The following STAU2 variants were observed in gnomAD, a reference collection of about 807,000 sequenced individuals.
STAU2 encodes staufen double-stranded RNA binding protein 2.
A neutral mutation model predicts 65.9 loss-of-function variants in STAU2; 20 were observed. That is an observed-to-expected ratio of 0.30 (90% CI 0.21 to 0.44). The LOEUF (loss-of-function observed/expected upper bound fraction) is 0.44, where lower values mean the gene tolerates loss of function less well. STAU2 is among the 20% of genes least tolerant of loss of function. The pLI is 1.00. For synonymous variants in STAU2, 232 were observed against 233.9 expected, an observed-to-expected ratio of 0.99 and a Z score of 0.07; for missense variants, 558 against 683.9, an observed-to-expected ratio of 0.82 and a Z score of 2.05.
chr8:73,463,344 A>G (rs1389515053), intron 13 of STAU2, among the ~76,000 whole-genome samples: 1 of 152,200 alleles, frequency 6.6e-6, no homozygotes, highest in Admixed American at 6.5e-5. Flanking sequence ...TTTTATAACA[A>G]TGTTGTCCAG....
At chr8:73,559,371 C>G (rs113411780) in intron 12 of STAU2, among the ~76,000 whole-genome samples, 10 of 152,334 alleles carry the variant, frequency 6.6e-5, no homozygotes, top group African/African-American at 2.4e-4. Context: ...GTGGCAGCAC[C>G]ATTCCTAGAT....
chr8:73,455,932 GCTGAGGTTTAATGT>G (rs1337052579), intron 13 of STAU2, among the ~76,000 whole-genome samples: 4 of 152,294 alleles, frequency 2.6e-5, no homozygotes, highest in African/African-American at 4.8e-5. Context: ...TGGATGAGAA[GCTGAGGTTTAATGT>G]CTGAGTGTGT....
At chr8:73,741,866 T>C (rs2130790223) in intron 1 of STAU2, among the ~76,000 whole-genome samples, 1 of 152,304 alleles carries the variant, frequency 6.6e-6, no homozygotes. Context: ...TAACAAAAAA[T>C]AAAACTTTAT....
intron 4 of STAU2, among the ~76,000 whole-genome samples, chr8:73,695,012 T>C (rs1291021287): frequency 1.3e-5 from 2 of 152,116 alleles, no homozygotes; most frequent in African/African-American, 4.8e-5. Context: ...GGGTCCTAGA[T>C]AAATCTGAAA....
intron 5 of STAU2, among the ~76,000 whole-genome samples, chr8:73,682,977 C>T (rs1818538749): frequency 6.6e-6 from 1 of 151,886 alleles, no homozygotes; most frequent in African/African-American, 2.4e-5. Context: ...AAACTGACAA[C>T]AACAATAAAA....
In STAU2 at chr8:73,588,649, A is replaced by G. The variant is rs558742300; in HGVS notation, c.1162-5819T>C. 3.0e-4 allele frequency among the ~76,000 whole-genome samples: 45 copies of G among 152,368 alleles called. No homozygotes were observed. The South Asian group carries it at 8.9e-3, about 30-fold the overall frequency. On this transcript the variant is annotated intron_variant, in intron 11 of 14. Transcript: ENST00000524300. ...AAAGGCAGGAAATTCTCTGGTCCTA[A>G]GAGCTCAGTAAAGCTTCATTGCTTC...
At chr8:73,626,547 A>G (rs558721363) in intron 6 of STAU2, among the ~76,000 whole-genome samples, 1 of 152,348 alleles carries the variant, frequency 6.6e-6, no homozygotes, top group South Asian at 2.1e-4. Context: ...GTGACAAGCC[A>G]TTCCATAGTG....
intron 4 of STAU2, among the ~76,000 whole-genome samples, chr8:73,691,599 A>T (rs1819323599): frequency 6.6e-6 from 1 of 152,020 alleles, no homozygotes; most frequent in South Asian, 2.1e-4. Flanking sequence ...TAAGATATAT[A>T]CATGCACCAA....
intron 13 of STAU2, among the ~76,000 whole-genome samples, chr8:73,463,261 G>A (rs1447226087): frequency 1.3e-5 from 2 of 152,264 alleles, no homozygotes; most frequent in Non-Finnish European, 2.9e-5. Flanking sequence ...ACATGCATGT[G>A]CTGGACTTTT....
chr8:73,487,999 T>C (rs903584931), intron 13 of STAU2, among the ~76,000 whole-genome samples: 41 of 152,146 alleles, frequency 2.7e-4, no homozygotes, highest in Admixed American at 9.2e-4. Context: ...AAAAAAACAT[T>C]TTGTGTGGCT....
intron 3 of STAU2, among the ~76,000 whole-genome samples, chr8:73,715,568 T>C (rs984139180): frequency 1.4e-4 from 22 of 151,978 alleles, no homozygotes; most frequent in Non-Finnish European, 3.2e-4. Context: ...AACAAGTATG[T>C]GGGGAAAATG....
At chr8:73,544,115 A>T (rs1434422585) in intron 13 of STAU2, among the ~76,000 whole-genome samples, 1 of 152,156 alleles carries the variant, frequency 6.6e-6, no homozygotes, top group Non-Finnish European at 1.5e-5. Flanking sequence ...ACTTTTCAAC[A>T]TATGTAAATC....
At chr8:73,550,550 C>A in intron 13 of STAU2, 1 of 982,870 alleles carries the variant, frequency 1.0e-6, no homozygotes, top group Non-Finnish European at 1.2e-6. Context: ...CAGTTAATTT[C>A]TTTTCATCAC....
At chr8:73,652,554 A>C (rs1815978901) in intron 6 of STAU2, 1 of 149,558 alleles carries the variant, frequency 6.7e-6, no homozygotes, top group South Asian at 2.1e-4. Flanking sequence ...TAAAAATACA[A>C]AAAAAAAAAT....
chr8:73,619,974 CAA>C, intron 6 of STAU2, among the ~76,000 whole-genome samples: 1 of 152,152 alleles, frequency 6.6e-6, no homozygotes, highest in African/African-American at 2.4e-5. Flanking sequence ...TTATTATAAA[CAA>C]AGATTAAAAA....
intron 6 of STAU2, among the ~76,000 whole-genome samples, chr8:73,622,138 T>TAG (rs1563464042): frequency 2.9e-4 from 18 of 63,122 alleles, no homozygotes; most frequent in East Asian, 1.3e-3. Context: ...TTTTTTTTTT[T>TAG]TTTTTTTGAG....
At chr8:73,616,804 A>T (rs1031673855) in intron 7 of STAU2, among the ~76,000 whole-genome samples, 1 of 152,082 alleles carries the variant, frequency 6.6e-6, no homozygotes, top group African/African-American at 2.4e-5. Flanking sequence ...TCTCAAAAAA[A>T]AAAGGAAGCT....
At chr8:73,710,993 T>G (rs1460118578) in intron 3 of STAU2, among the ~76,000 whole-genome samples, 2 of 151,718 alleles carry the variant, frequency 1.3e-5, no homozygotes, top group African/African-American at 4.8e-5. Context: ...GTGATAATTA[T>G]GATTAAGAAA....
intron 13 of STAU2, among the ~76,000 whole-genome samples, chr8:73,508,809 T>C (rs1585898662): frequency 6.6e-6 from 1 of 152,240 alleles, no homozygotes; most frequent in Non-Finnish European, 1.5e-5. Flanking sequence ...TGTTGTAATA[T>C]AGATGTAGTT....
Sources: gnomAD v4.1 joint callset for allele counts (sites outside exome capture counted in the v4.1 genomes callset) on GRCh38, gnomAD v4.1.1 for gene constraint, MANE v1.5 for transcripts, NCBI Gene and HGNC (gene_info 2026-07-23, HGNC 2026-07-21) for gene names.